The following ARHGAP22 variants were observed in gnomAD, a reference collection of about 807,000 sequenced individuals.
ARHGAP22 encodes the protein rho GTPase-activating protein 22.
A neutral mutation model predicts 59.1 loss-of-function variants in ARHGAP22; 48 were observed. That is an observed-to-expected ratio of 0.81 (90% CI 0.64 to 1.03). ARHGAP22 has a LOEUF of 1.03. Among genes scored for constraint, ARHGAP22 ranks in the 50% least tolerant of loss-of-function variants. The probability of loss-of-function intolerance (pLI) is 0.00; values close to 1 mark genes in which losing one functional copy is unlikely to be tolerated. For synonymous variants in ARHGAP22, 445 were observed against 416.4 expected (o/e 1.07, Z -0.84); for missense variants, 1,015 against 958.7 (o/e 1.06, Z -0.78).
intron 3 of ARHGAP22, among the ~76,000 whole-genome samples, chr10:48,501,830 C>T (rs752108779): frequency 6.6e-6 from 1 of 151,910 alleles, no homozygotes; most frequent in Non-Finnish European, 1.5e-5. Context: ...GATATATACT[C>T]AGAGGTGCAT....
intron 3 of ARHGAP22, among the ~76,000 whole-genome samples, chr10:48,506,631 C>T (rs775180976): frequency 2.0e-5 from 3 of 152,134 alleles, no homozygotes; most frequent in Non-Finnish European, 4.4e-5. Flanking sequence ...TCATCCAGCA[C>T]CATTCCCTAG....
At chr10:48,568,468 C>G (rs1343954455) in intron 2 of ARHGAP22, among the ~76,000 whole-genome samples, 1 of 152,244 alleles carries the variant, frequency 6.6e-6, no homozygotes, top group African/African-American at 2.4e-5. Flanking sequence ...CTCAGATGAG[C>G]TGAATCCCTC....
At chr10:48,480,226 T>C (rs2049162130) in intron 3 of ARHGAP22, among the ~76,000 whole-genome samples, 1 of 152,144 alleles carries the variant, frequency 6.6e-6, no homozygotes. Context: ...TCTCCGTATA[T>C]ATTAAGGTCA....
At chr10:48,597,145 A>G (rs1240115023) in intron 1 of ARHGAP22, among the ~76,000 whole-genome samples, 1 of 152,088 alleles carries the variant, frequency 6.6e-6, no homozygotes, top group Admixed American at 6.6e-5. Context: ...CTCTGGCTGG[A>G]CATGCACCTC....
intron 4 of ARHGAP22, among the ~76,000 whole-genome samples, chr10:48,466,413 C>T (rs974029174): frequency 6.6e-6 from 1 of 151,944 alleles, no homozygotes; most frequent in African/African-American, 2.4e-5. Flanking sequence ...GCACCAGATC[C>T]GCGGTGACAC....
chr10:48,551,379 C>T (rs1294651005), intron 3 of ARHGAP22, among the ~76,000 whole-genome samples: 1 of 152,232 alleles, frequency 6.6e-6, no homozygotes, highest in African/African-American at 2.4e-5. Context: ...ACATTCTGCT[C>T]CTCTTGAGAA....
At chr10:48,598,650 A>AGCCT (rs2060209936) in intron 1 of ARHGAP22, among the ~76,000 whole-genome samples, 1 of 152,168 alleles carries the variant, frequency 6.6e-6, no homozygotes, top group South Asian at 2.1e-4. Flanking sequence ...CCCCCACTGC[A>AGCCT]GCCTGCATCA....
chr10:48,453,566 C>CAGAGG, intron 7 of ARHGAP22, 141 bp from the exon 8 acceptor site: 4 of 1,287,298 alleles, frequency 3.1e-6, no homozygotes, highest in Non-Finnish European at 4.3e-6. Flanking sequence ...CCTGCCTCTG[C>CAGAGG]CAGGCTCGAT....
upstream of ARHGAP22, among the ~76,000 whole-genome samples, chr10:48,654,786 CTTTCTTT>C (rs2062699423): frequency 4.4e-5 from 3 of 68,158 alleles, no homozygotes; most frequent in Non-Finnish European, 1.0e-4. Flanking sequence ...TTCTTTCTTT[CTTTCTTT>C]CTTTCTTTCT....
the ARHGAP22 span, chr10:48,437,767 G>C: frequency 3.3e-5 from 5 of 152,220 alleles, no homozygotes; most frequent in African/African-American, 1.2e-4. Flanking sequence ...GTTCATGCCA[G>C]ACTTCTAAGA....
chr10:48,582,881 T>C (rs2059201210), intron 2 of ARHGAP22, 72 bp downstream of exon 2: 5 of 1,557,080 alleles, frequency 3.2e-6, no homozygotes, highest in Non-Finnish European at 3.5e-6. Context: ...TCCTCCCTTC[T>C]CCTGGGCATG....
At chr10:48,448,685 A>G (rs909534810) in intron 9 of ARHGAP22, among the ~76,000 whole-genome samples, 10 of 149,138 alleles carry the variant, frequency 6.7e-5, no homozygotes, top group Non-Finnish European at 1.3e-4. Context: ...TAATGCCCTC[A>G]CCTTCCTTCC....
At chr10:48,559,299 C>A (rs1424321831) in intron 2 of ARHGAP22, among the ~76,000 whole-genome samples, 2 of 151,962 alleles carry the variant, frequency 1.3e-5, no homozygotes. Context: ...AAATGTTGGG[C>A]CCTTTCCCCC....
intron 3 of ARHGAP22, among the ~76,000 whole-genome samples, chr10:48,490,322 A>G (rs891308090): frequency 1.8e-4 from 28 of 152,142 alleles, no homozygotes; most frequent in Admixed American, 1.6e-3. Context: ...GGGTGAGATC[A>G]TTTTTCATGG....
At chr10:48,582,874 T>A in intron 2 of ARHGAP22, 79 bp downstream of exon 2, 1 of 1,529,008 alleles carries the variant, frequency 6.5e-7, no homozygotes, top group South Asian at 1.2e-5. Context: ...TGTGCCTTCC[T>A]CCCTTCTCCT....
intron 3 of ARHGAP22, among the ~76,000 whole-genome samples, chr10:48,485,889 T>C (rs2049807111): frequency 6.6e-6 from 1 of 152,212 alleles, no homozygotes; most frequent in Admixed American, 6.5e-5. Flanking sequence ...ACATTTTAAG[T>C]GCATTTTTTA....
At chr10:48,551,401 C>T (rs1291120039) in intron 3 of ARHGAP22, among the ~76,000 whole-genome samples, 3 of 152,330 alleles carry the variant, frequency 2.0e-5, no homozygotes, top group Non-Finnish European at 4.4e-5. Flanking sequence ...TGGATGCTTA[C>T]GGCAGGAGGT....
rs138836921 is a variant in ARHGAP22 at position 48,645,474 on chromosome 10, C to A, written c.52+6760G>T. ...ACATTAGTTTGACACCTGAAAAAAT[C>A]AATTAATGTTGTACATCTATTACAC... On this transcript the variant is annotated intron_variant, in intron 1 of 9. Transcript: ENST00000435790. Among the ~76,000 whole-genome samples, 34 of 152,186 alleles carry A rather than the reference C, an allele frequency of 2.2e-4. 1 individual carries two copies. The highest frequency in any genetic ancestry group is 1.0e-3 in the Admixed American group (16 of 15,298).
intron 1 of ARHGAP22, among the ~76,000 whole-genome samples, chr10:48,613,919 T>C (rs2060986801): frequency 6.6e-6 from 1 of 152,172 alleles, no homozygotes; most frequent in South Asian, 2.1e-4. Flanking sequence ...ATTGTGAGAT[T>C]GGATTGTTAT....
Sources: gnomAD v4.1 joint callset for allele counts (sites outside exome capture counted in the v4.1 genomes callset) on GRCh38, gnomAD v4.1.1 for gene constraint, MANE v1.5 for transcripts, NCBI Gene and HGNC (gene_info 2026-07-23, HGNC 2026-07-21) for gene names.